The following BBS4 variants were observed in gnomAD, a reference collection of about 807,000 sequenced individuals.
BBS4 encodes the protein BBSome complex member BBS4.
A neutral mutation model predicts 71.4 loss-of-function variants in BBS4; 58 were observed. The observed-to-expected ratio is 0.81, with a 90% CI of 0.66 to 1.01. BBS4 has a LOEUF of 1.01. BBS4 is among the 50% of genes least tolerant of loss of function. The pLI, the probability that BBS4 is intolerant of heterozygous loss-of-function variation, is 0.00. For missense variants in BBS4, 660 were observed against 607.9 expected, an observed-to-expected ratio of 1.09 and a Z score of -0.90; for synonymous variants, 228 against 216.8, an observed-to-expected ratio of 1.05 and a Z score of -0.46.
In BBS4 at chr15:72,714,070, T is replaced by C. The variant is rs189837460; in HGVS notation, c.221-1221T>C. Among the ~76,000 whole-genome samples, 80 of 152,258 alleles carry C rather than the reference T, an allele frequency of 5.3e-4. No individual in the cohort carries two copies. The East Asian group carries it at 0.015, about 28-fold the overall frequency. On this transcript the variant is annotated intron_variant, in intron 4 of 15. Coordinates refer to ENST00000268057, the MANE Select transcript of BBS4 (RefSeq NM_033028.5). ...GGGCCAAAAGATGCTTTTGGAAGGA[T>C]TGCTTGTAATCAAGCTAAAAGAGAT...
In BBS4 at chr15:72,699,211, C is replaced by T. The variant is rs367932405; in HGVS notation, c.76+3983C>T. 2.6e-5 allele frequency among the ~76,000 whole-genome samples: 4 copies of T among 151,888 alleles called. No individual in the cohort carries two copies. In the East Asian group the frequency reaches 5.8e-4, roughly 22 times the overall value. On this transcript the variant is annotated intron_variant, in intron 2 of 15. Coordinates refer to ENST00000268057, the MANE Select transcript of BBS4 (RefSeq NM_033028.5). ...AAGTGATTCTCTTGCCTCAGCTTCC[C>T]GTGTAGCTGGTATTACAGGTGCCCA...
At chr15:72,714,244 G>A (rs1350911009) in intron 4 of BBS4, among the ~76,000 whole-genome samples, 1 of 20,844 alleles carries the variant, frequency 4.8e-5, no homozygotes, top group African/African-American at 1.4e-4. Context: ...TTTTTTTTTT[G>A]AGACAGAGTC....
chr15:72,735,332 T>C lies in BBS4; in HGVS notation c.1106+150T>C, dbSNP rs1415986190. 4 of 692,094 alleles carry C rather than the reference T, an allele frequency of 5.8e-6. No homozygotes were observed. The African/African-American group carries it at 7.1e-5, about 12-fold the overall frequency. 42.9% of individuals were successfully genotyped at this position (692,094 alleles called of 1,614,324 possible). On this transcript the variant is annotated intron_variant, in intron 13 of 15. Coordinates refer to ENST00000268057, the MANE Select transcript of BBS4 (RefSeq NM_033028.5). Reference sequence around the variant, plus strand: ...GCAGACCTCAGTGTGGAGGGATGTGTCTCCTAAGTATGTGGTGGCTCAGCA... The same window carrying C: ...GCAGACCTCAGTGTGGAGGGATGTGCCTCCTAAGTATGTGGTGGCTCAGCA...
At chr15:72,698,043 C>A (rs939779409) in intron 2 of BBS4, 1 of 455,692 alleles carries the variant, frequency 2.2e-6, no homozygotes, top group Non-Finnish European at 4.4e-6. Context: ...TTGAGGTGAG[C>A]GAACTGATTT....
chr15:72,709,815 G>A (rs781511878), intron 3 of BBS4, 36 bp downstream of exon 3: 12 of 1,569,230 alleles, frequency 7.6e-6, no homozygotes, highest in Non-Finnish European at 1.1e-5. Context: ...ATGAGAGGCA[G>A]GATGTTGGGT....
At chr15:72,716,379 A>C (rs1415163578) in intron 5 of BBS4, among the ~76,000 whole-genome samples, 3 of 152,202 alleles carry the variant, frequency 2.0e-5, no homozygotes, top group Admixed American at 2.0e-4. Flanking sequence ...TCAGGATCCA[A>C]TATCAAGGAA....
intron 12 of BBS4, 34 bp downstream of exon 12, chr15:72,731,760 C>A: frequency 6.2e-7 from 1 of 1,612,056 alleles, no homozygotes; most frequent in South Asian, 1.1e-5. Context: ...CTCTCTCTGC[C>A]ATCTGTAATG....
chr15:72,707,177 C>CTTTTTTTTTTTTTTTTT (rs756415809), intron 2 of BBS4, among the ~76,000 whole-genome samples: 1 of 132,448 alleles, frequency 7.6e-6, no homozygotes, highest in African/African-American at 2.7e-5. Flanking sequence ...TTCCTTTTTT[C>CTTTTTTTTTTTTTTTTT]TTTTCTTTTT....
intron 1 of BBS4, among the ~76,000 whole-genome samples, chr15:72,692,237 A>G (rs1261732570): frequency 3.3e-5 from 5 of 151,544 alleles, no homozygotes; most frequent in Admixed American, 3.3e-4. Flanking sequence ...GGTTGTAACA[A>G]TTTATGCTTC....
rs1231213571 is a variant in BBS4 at position 72,712,736 on chromosome 15, G to A, written c.220+429G>A. On this transcript the variant is annotated intron_variant, in intron 4 of 15. Coordinates refer to ENST00000268057, the MANE Select transcript of BBS4 (RefSeq NM_033028.5). ...GTTGCTCTGGGTGAGTTAGTGGTGA[G>A]TGAATGTGAAGGTCTAGGACATTAT... Among the ~76,000 whole-genome samples the A allele has an allele frequency of 3.3e-5, 5 of 152,288 alleles. No individual in the cohort carries two copies. The East Asian group carries it at 9.7e-4, about 29-fold the overall frequency.
chr15:72,722,306 A>C (rs2065591517), intron 6 of BBS4, among the ~76,000 whole-genome samples: 1 of 152,180 alleles, frequency 6.6e-6, no homozygotes, highest in Non-Finnish European at 1.5e-5. Context: ...CACCTAGTAA[A>C]TTTAGTACTT....
At chr15:72,713,259 G>A (rs1442460125) in intron 4 of BBS4, among the ~76,000 whole-genome samples, 4 of 151,518 alleles carry the variant, frequency 2.6e-5, no homozygotes, top group Admixed American at 6.6e-5. Context: ...TGTGGAATGT[G>A]TCCTTGCTGT....
At chr15:72,695,379 T>TG in intron 2 of BBS4, 151 bp downstream of exon 2, 1 of 537,070 alleles carries the variant, frequency 1.9e-6, no homozygotes, top group Non-Finnish European at 3.3e-6. Flanking sequence ...CCTTTGCCTC[T>TG]GGGGCTCAAG....
chr15:72,729,186 T>A (rs11629633), intron 9 of BBS4, among the ~76,000 whole-genome samples: 20,410 of 60,850 alleles, frequency 0.34, 3,995 homozygotes, highest in Non-Finnish European at 0.47. Context: ...TTTTTTTTTT[T>A]AAAGTCAAGA....
intron 2 of BBS4, among the ~76,000 whole-genome samples, chr15:72,700,105 A>G (rs1036330157): frequency 6.6e-6 from 1 of 152,068 alleles, no homozygotes; most frequent in Admixed American, 6.6e-5. Flanking sequence ...ATGCCCGGCT[A>G]ATTTTTCTAT....
chr15:72,732,866 G>A (rs1339188450), intron 12 of BBS4, among the ~76,000 whole-genome samples: 1 of 152,182 alleles, frequency 6.6e-6, no homozygotes, highest in Admixed American at 6.5e-5. Context: ...CCCGGGGCAA[G>A]ACCGGGAAAG....
chr15:72,725,057 T>TATATATAG (rs369692212), intron 8 of BBS4, among the ~76,000 whole-genome samples: 38 of 127,660 alleles, frequency 3.0e-4, no homozygotes, highest in East Asian at 1.2e-3. Context: ...TATATATATA[T>TATATATAG]AGAGAGAGAG....
In BBS4 at chr15:72,735,651, T is replaced by A. The variant is rs1287280683; in HGVS notation, c.1107-174T>A. 4.8e-6 allele frequency: 4 copies of A among 835,184 alleles called. No homozygotes were observed. The Admixed American group carries it at 7.4e-5, about 15-fold the overall frequency. The allele number at this position is 835,184 out of a possible 1,614,324, so 51.7% of individuals were successfully genotyped here. ...AATACCAGCTTTGCTTGTTAGGCCATTAACTCCTTGATTCTTCTCCACAGG... is the reference window on the plus strand; with the variant it reads ...AATACCAGCTTTGCTTGTTAGGCCAATAACTCCTTGATTCTTCTCCACAGG... On this transcript the variant is annotated intron_variant, in intron 13 of 15. Coordinates refer to ENST00000268057, the MANE Select transcript of BBS4 (RefSeq NM_033028.5).
At chr15:72,720,166 A>G (rs2065542738) in intron 6 of BBS4, among the ~76,000 whole-genome samples, 1 of 151,542 alleles carries the variant, frequency 6.6e-6, no homozygotes, top group Admixed American at 6.6e-5. Flanking sequence ...CCTACCCTAC[A>G]TATTTCATAA....
Sources: gnomAD v4.1 joint callset for allele counts (sites outside exome capture counted in the v4.1 genomes callset) on GRCh38, gnomAD v4.1.1 for gene constraint, MANE v1.5 for transcripts, NCBI Gene and HGNC (gene_info 2026-07-23, HGNC 2026-07-21) for gene names.